Variants in TACC2 observed in about 807,000 individuals in gnomAD.
TACC2 encodes transforming acidic coiled-coil-containing protein 2.
A neutral mutation model predicts 227.3 loss-of-function variants in TACC2; 137 were observed. The observed-to-expected ratio is 0.60, with a 90% CI of 0.52 to 0.69. The LOEUF (loss-of-function observed/expected upper bound fraction) is 0.69, where lower values mean the gene tolerates loss of function less well. Among genes scored for constraint, TACC2 ranks in the 30% least tolerant of loss-of-function variants. The pLI is 0.00. For synonymous variants in TACC2, 1,523 were observed against 1,487.5 expected (o/e 1.02, Z -0.55); for missense variants, 3,470 against 3,694.4 (o/e 0.94, Z 1.57).
intron 9 of TACC2, among the ~76,000 whole-genome samples, chr10:122,215,075 G>T (rs2095372326): frequency 6.6e-6 from 1 of 152,098 alleles, no homozygotes; most frequent in Non-Finnish European, 1.5e-5. Flanking sequence ...AAATTAATCT[G>T]CTCACCAGAA....
chr10:122,090,285 A>G (rs11200390), intron 5 of TACC2, among the ~76,000 whole-genome samples: 17,608 of 151,986 alleles, frequency 0.12, 1,279 homozygotes, highest in East Asian at 0.31. Context: ...GGTGGCTCAC[A>G]CCTGTAATCC....
intron 14 of TACC2, among the ~76,000 whole-genome samples, chr10:122,228,838 G>A (rs147075627): frequency 6.6e-5 from 10 of 152,194 alleles, no homozygotes; most frequent in Non-Finnish European, 1.0e-4. Context: ...ATACTCTGAA[G>A]CACACGTCCA....
At chr10:122,176,111 C>CTATA (rs1277849862) in intron 7 of TACC2, among the ~76,000 whole-genome samples, 118 of 62,294 alleles carry the variant, frequency 1.9e-3, no homozygotes, top group Non-Finnish European at 3.0e-3. Context: ...CTCTCTCTCT[C>CTATA]TCTCTCTATA....
At chr10:122,074,019 A>T (rs1321615885) in intron 3 of TACC2, among the ~76,000 whole-genome samples, 1 of 150,450 alleles carries the variant, frequency 6.6e-6, no homozygotes, top group East Asian at 2.0e-4. Context: ...TGACCTTGTG[A>T]TCTGCCCACC....
intron 7 of TACC2, among the ~76,000 whole-genome samples, chr10:122,187,504 T>A (rs944962045): frequency 6.6e-6 from 1 of 152,136 alleles, no homozygotes; most frequent in Admixed American, 6.5e-5. Flanking sequence ...TTCTTTTTTT[T>A]TTCTGAGACA....
chr10:122,110,778 ATAATAAATTACCACAAAACTAG>A (rs79192072), intron 5 of TACC2, among the ~76,000 whole-genome samples: 48,203 of 151,856 alleles, frequency 0.32, 8,821 homozygotes, highest in South Asian at 0.43. Context: ...TGTGATTGCC[ATAATAAATTACCACAAAACTAG>A]TAATTTTGGC....
Position 122,241,810 on chromosome 10 carries a change from A to G in TACC2, c.8349-148A>G, listed in dbSNP as rs189634098. 25 of 733,214 alleles carry G rather than the reference A, an allele frequency of 3.4e-5. No homozygotes were observed. The African/African-American group carries it at 4.1e-4, about 12-fold the overall frequency. The allele number at this position is 733,214 out of a possible 1,614,324, so 45.4% of individuals were successfully genotyped here. A position where few individuals can be genotyped will look rare whatever the true frequency, so the allele number is the denominator to read the frequency against. On this transcript the variant is annotated intron_variant, in intron 18 of 22. Transcript: ENST00000369005. ...CATATTTAGAGTCACGCACCAGGAA[A>G]ATGAGCGTGCAGGGCGAGGGCTGAC...
chr10:122,227,494 T>C lies in TACC2; in HGVS notation c.7725-343T>C, dbSNP rs369703374. On this transcript the variant is annotated intron_variant, in intron 13 of 22. Transcript: ENST00000369005. The stretch of plus-strand genomic sequence containing the variant: ...TGCTTTACAGGCATGCAGCATCTCA[T>C]TTAATCTTCACAGAGAGGTCCATTG... Among the ~76,000 whole-genome samples, 11 of 152,212 alleles carry C rather than the reference T, an allele frequency of 7.2e-5. No homozygotes were observed. The East Asian group carries it at 1.4e-3, about 19-fold the overall frequency.
chr10:122,074,062 A>G lies in TACC2; in HGVS notation c.147-8585A>G, dbSNP rs1395310587. ...CCCAAAGTGCTGGGATTACAGGCGT[A>G]AGTCACAGCACCCGGCATCTTTTTT... On this transcript the variant is annotated intron_variant, in intron 3 of 22. Coordinates refer to ENST00000369005, the MANE Select transcript of TACC2 (RefSeq NM_206862.4). 8.9e-5 allele frequency among the ~76,000 whole-genome samples: 13 copies of G among 146,240 alleles called. No individual in the cohort carries two copies. The Admixed American group carries it at 9.0e-4, about 10-fold the overall frequency.
intron 5 of TACC2, among the ~76,000 whole-genome samples, chr10:122,126,026 C>G (rs2086785176): frequency 6.6e-6 from 1 of 152,116 alleles, no homozygotes; most frequent in Non-Finnish European, 1.5e-5. Context: ...ATCCACCCAC[C>G]TCAGCCTCCC....
At chr10:122,231,790 G>T (rs2095755372) in intron 16 of TACC2, among the ~76,000 whole-genome samples, 1 of 152,222 alleles carries the variant, frequency 6.6e-6, no homozygotes, top group African/African-American at 2.4e-5. Flanking sequence ...ACAGAGAGCT[G>T]TGATCACTTG....
chr10:122,202,872 T>C (rs1480147872), intron 8 of TACC2, among the ~76,000 whole-genome samples: 5 of 151,002 alleles, frequency 3.3e-5, no homozygotes, highest in Non-Finnish European at 1.5e-5. Flanking sequence ...TTAAGGAGCA[T>C]GCTGCCTTCA....
intron 8 of TACC2, among the ~76,000 whole-genome samples, chr10:122,203,647 G>T (rs559696994): frequency 6.1e-4 from 92 of 151,988 alleles, no homozygotes; most frequent in Middle Eastern, 3.4e-3. Flanking sequence ...GATGGCGGCC[G>T]GGAAGAGACG....
At chr10:122,059,945 G>A (rs891567873) in intron 3 of TACC2, among the ~76,000 whole-genome samples, 1 of 121,756 alleles carries the variant, frequency 8.2e-6, no homozygotes, top group African/African-American at 2.8e-5. Context: ...CTAGTGATGT[G>A]TGTTTTAACA....
At chr10:122,006,456 AAAT>A (rs1955163529) in intron 1 of TACC2, among the ~76,000 whole-genome samples, 1 of 86,196 alleles carries the variant, frequency 1.2e-5, no homozygotes, top group Non-Finnish European at 2.7e-5. Context: ...CTCAAAAAAT[AAAT>A]AAATAAATAA....
intron 7 of TACC2, among the ~76,000 whole-genome samples, chr10:122,164,780 C>T (rs1262064754): frequency 6.6e-6 from 1 of 152,180 alleles, no homozygotes; most frequent in Non-Finnish European, 1.5e-5. Context: ...AGTGGACCTC[C>T]CAGCCTCACC....
chr10:122,251,353 T>C (rs921686095), intron 22 of TACC2, among the ~76,000 whole-genome samples: 1 of 152,204 alleles, frequency 6.6e-6, no homozygotes, highest in Non-Finnish European at 1.5e-5. Flanking sequence ...TGATTGTTCT[T>C]AGCAGTATCC....
chr10:122,140,281 A>T lies in TACC2; in HGVS notation c.5700-3291A>T, dbSNP rs557840544. ...GGGCTTAGCAGGAAAGAACGCCTTG[A>T]TCAATAAGTCATGGCTGTCTGCTGA... is the stretch of plus-strand genomic sequence containing the variant. On this transcript the variant is annotated intron_variant, in intron 6 of 22. Coordinates refer to ENST00000369005, the MANE Select transcript of TACC2 (RefSeq NM_206862.4). 2.6e-5 allele frequency among the ~76,000 whole-genome samples: 4 copies of T among 152,336 alleles called. No individual in the cohort carries two copies. The East Asian group carries it at 7.7e-4, about 29-fold the overall frequency.
At chr10:121,989,949 C>T (rs182448413) in intron 1 of TACC2, among the ~76,000 whole-genome samples, 3 of 152,004 alleles carry the variant, frequency 2.0e-5, no homozygotes, top group East Asian at 3.9e-4. Context: ...GTTACCACCT[C>T]GACACTTTCT....
Sources: gnomAD v4.1 joint callset for allele counts (sites outside exome capture counted in the v4.1 genomes callset) on GRCh38, gnomAD v4.1.1 for gene constraint, MANE v1.5 for transcripts, NCBI Gene and HGNC (gene_info 2026-07-23, HGNC 2026-07-21) for gene names.